The following FOXA3 variants were observed in gnomAD, a reference collection of about 807,000 sequenced individuals.
FOXA3 encodes the protein hepatocyte nuclear factor 3-gamma.
FOXA3 carries 11 observed loss-of-function variants against 16.9 expected under a neutral mutation model. That is an observed-to-expected ratio of 0.65 (90% CI 0.41 to 1.08). FOXA3 has a LOEUF of 1.08. FOXA3 is among the 50% of genes least tolerant of loss of function. The pLI, the probability that FOXA3 is intolerant of heterozygous loss-of-function variation, is 0.00. For missense variants in FOXA3, 423 were observed against 470.1 expected, an observed-to-expected ratio of 0.90 and a Z score of 0.93; for synonymous variants, 217 against 203.3, an observed-to-expected ratio of 1.07 and a Z score of -0.57.
rs150825228 is a variant in FOXA3, at chr19:45,872,195, C to T, written c.190C>T (p.Pro64Ser). ...GLPASPLPSG[P>S]LAPPAPAAPL... ...CCCTGCCTCCCCACTGCCCTCAGGA[C>T]CCCTGGCACCCCCAGCACCTGCAGC... Residue 64 changes from proline to serine, a missense_variant, in exon 2 of 2, where the codon CCC becomes TCC. Transcript: ENST00000302177. This position sits in a 1 kb window ranked among gnomAD's most constrained non-coding sequence, Gnocchi z 4.5. 73 of 1,596,026 alleles carry T rather than the reference C, an allele frequency of 4.6e-5. No individual in the cohort carries two copies. Among genetic ancestry groups the T allele is most frequent in the Non-Finnish European group, 6.1e-5 (71 of 1,169,760 alleles).
In FOXA3 at chr19:45,872,446, C is replaced by T. The variant is rs374769245; in HGVS notation, c.441C>T (p.Ile147=). ...CCTTGAGTGAAATCTACCAGTGGAT[C>T]ATGGACCTCTTCCCTTACTACCGGG... is the stretch of plus-strand genomic sequence containing the variant. ...MLTLSEIYQW[I]MDLFPYYREN... is the part of the protein sequence containing the mutation. Residue 147 remains isoleucine, a synonymous_variant, in exon 2 of 2, where the codon ATC becomes ATT. Transcript: ENST00000302177. The surrounding 1 kb of genome is among the most constrained non-coding windows in gnomAD (Gnocchi z 4.5). 7.4e-6 allele frequency: 12 copies of T among 1,614,104 alleles called. No individual in the cohort carries two copies. The highest frequency in any genetic ancestry group is 9.3e-6 in the Non-Finnish European group (11 of 1,180,034).
chr19:45,872,469 G>A lies in FOXA3; in HGVS notation c.464G>A (p.Arg155Gln), dbSNP rs200377130. The A allele has an allele frequency of 2.2e-5, 36 of 1,614,192 alleles. No individual in the cohort carries two copies. The East Asian group carries it at 2.9e-4, about 13-fold the overall frequency. ...ATCATGGACCTCTTCCCTTACTACC[G>A]GGAGAATCAGCAGCGCTGGCAGAAC... is the stretch of plus-strand genomic sequence containing the variant. Reference protein sequence around the residue: ...QWIMDLFPYYRENQQRWQNSI... With the variant: ...QWIMDLFPYYQENQQRWQNSI... The change falls in exon 2 of 2, where the codon CGG (arginine) becomes CAG (glutamine). Residue 155 changes from arginine (R) to glutamine (Q), a missense_variant. By Grantham distance (43) the Arg-to-Gln change is conservative. Around this residue, in one of 3 missense-constraint regions of FOXA3, gnomAD observed 85 missense variants for 136.9 expected, o/e 0.62. Coordinates refer to ENST00000302177, the MANE Select transcript of FOXA3 (RefSeq NM_004497.3). The surrounding 1 kb of genome is among the most constrained non-coding windows in gnomAD (Gnocchi z 4.5).
intron 1 of FOXA3, among the ~76,000 whole-genome samples, chr19:45,868,346 G>A (rs1317278305): frequency 6.6e-6 from 1 of 151,996 alleles, no homozygotes; most frequent in Non-Finnish European, 1.5e-5. Flanking sequence ...TTGGGAGGCC[G>A]AGGCAGGAGG....
chr19:45,864,570 C>A, intron 1 of FOXA3, 45 bp downstream of exon 1: 1 of 1,450,044 alleles, frequency 6.9e-7, no homozygotes. Flanking sequence ...GGGCAGGTAT[C>A]GGGGTGTGGG....
At chr19:45,866,895 C>T (rs1466209375) in intron 1 of FOXA3, among the ~76,000 whole-genome samples, 1 of 152,222 alleles carries the variant, frequency 6.6e-6, no homozygotes, top group Non-Finnish European at 1.5e-5. Flanking sequence ...CTCCCTGTCA[C>T]ACCCTTCTCC....
Position 45,864,354 on chromosome 19 carries a change from G to C in FOXA3, c.-103G>C. 1 of 1,056,940 alleles carries C rather than the reference G, an allele frequency of 9.5e-7. No homozygotes were observed. Among genetic ancestry groups the C allele is most frequent in the Middle Eastern group, 3.5e-4 (1 of 2,878 alleles). The allele number at this position is 1,056,940 out of a possible 1,614,324, so 65.5% of individuals were successfully genotyped here. On this transcript the variant is annotated 5_prime_UTR_variant, in exon 1 of 2. Transcript: ENST00000302177. ...ACAGCCGTACCCCGGGCGGTCGGAC[G>C]GGCGGGCGCCGGTGGGAGCTCGGGC...
At chr19:45,871,870 G>T (rs1204196861) in intron 1 of FOXA3, among the ~76,000 whole-genome samples, 1 of 152,188 alleles carries the variant, frequency 6.6e-6, no homozygotes, top group Non-Finnish European at 1.5e-5. Flanking sequence ...GAGCATGGTG[G>T]GTGGGAAAGC....
In FOXA3 at chr19:45,872,436, A is replaced by G. The variant is rs1296869213; in HGVS notation, c.431A>G (p.Tyr144Cys). ...AAGATGCTGACCTTGAGTGAAATCTACCAGTGGATCATGGACCTCTTCCCT... is the reference window on the plus strand; with the variant it reads ...AAGATGCTGACCTTGAGTGAAATCTGCCAGTGGATCATGGACCTCTTCCCT... ...PGKMLTLSEI[Y>C]QWIMDLFPYY... Residue 144 changes from tyrosine to cysteine, a missense_variant, in exon 2 of 2, where the codon TAC becomes TGC. This residue lies in a region of FOXA3 where 85 missense variants were observed against 136.9 expected (regional missense o/e 0.62). Coordinates refer to ENST00000302177, the MANE Select transcript of FOXA3 (RefSeq NM_004497.3). The surrounding 1 kb of genome is among the most constrained non-coding windows in gnomAD (Gnocchi z 4.5). The G allele has an allele frequency of 2.5e-6, 4 of 1,614,190 alleles. No individual in the cohort carries two copies. The highest frequency in any genetic ancestry group is 2.5e-6 in the Non-Finnish European group (3 of 1,180,026).
In FOXA3 at chr19:45,864,354, G is replaced by T; in HGVS notation, c.-103G>T. 1.9e-6 allele frequency: 2 copies of T among 1,056,940 alleles called. No individual in the cohort carries two copies. The highest frequency in any genetic ancestry group is 3.1e-5 in the South Asian group (1 of 31,760). 65.5% of individuals were successfully genotyped at this position (1,056,940 alleles called of 1,614,324 possible). A position where few individuals can be genotyped will look rare whatever the true frequency, so the allele number is the denominator to read the frequency against. Reference sequence around the variant, plus strand: ...ACAGCCGTACCCCGGGCGGTCGGACGGGCGGGCGCCGGTGGGAGCTCGGGC... The same window carrying T: ...ACAGCCGTACCCCGGGCGGTCGGACTGGCGGGCGCCGGTGGGAGCTCGGGC... On this transcript the variant is annotated 5_prime_UTR_variant, in exon 1 of 2. Transcript: ENST00000302177.
At chr19:45,865,573 C>T (rs997794874) in intron 1 of FOXA3, among the ~76,000 whole-genome samples, 11 of 152,018 alleles carry the variant, frequency 7.2e-5, no homozygotes, top group African/African-American at 2.7e-4. Context: ...TGGAAGGGGA[C>T]TGTGGGCTTG....
chr19:45,871,282 C>G (rs941216088), intron 1 of FOXA3, among the ~76,000 whole-genome samples: 19 of 152,110 alleles, frequency 1.2e-4, no homozygotes, highest in Non-Finnish European at 2.4e-4. Context: ...AAGAGCGACA[C>G]TGTTTTTTTC....
At chr19:45,864,586 A>G in intron 1 of FOXA3, 61 bp downstream of exon 1, 2 of 1,376,876 alleles carry the variant, frequency 1.5e-6, no homozygotes, top group South Asian at 3.0e-5. Flanking sequence ...GTGGGCTCAC[A>G]TGGAGCAGGG....
chr19:45,871,969 A>G (rs759303786), intron 1 of FOXA3, 106 bp from the exon 2 acceptor site: 301 of 1,144,132 alleles, frequency 2.6e-4, no homozygotes, highest in Non-Finnish European at 3.4e-4. Flanking sequence ...AGGGATTTGT[A>G]GAGAAGGCAA....
chr19:45,872,050 A>C lies in FOXA3; in HGVS notation c.70-25A>C, dbSNP rs1600550963. On this transcript the variant is annotated intron_variant, in intron 1 of 1. Coordinates refer to ENST00000302177, the MANE Select transcript of FOXA3 (RefSeq NM_004497.3). This position sits in a 1 kb window ranked among gnomAD's most constrained non-coding sequence, Gnocchi z 4.5. ...TGACCAGCAGAGTGGAGCCCCACTG[A>C]CCCCTCCTTTCATCTTTCCCCTAGG... 2.5e-6 allele frequency: 4 copies of C among 1,598,280 alleles called. No individual in the cohort carries two copies. Among genetic ancestry groups the C allele is most frequent in the South Asian group, 1.1e-5 (1 of 90,228 alleles).
In FOXA3 at chr19:45,872,679, G is replaced by C. The variant is rs1381896056; in HGVS notation, c.674G>C (p.Gly225Ala). 6.2e-7 allele frequency: 1 copy of C among 1,611,310 alleles called. No individual in the cohort carries two copies. The highest frequency in any genetic ancestry group is 8.5e-7 in the Non-Finnish European group (1 of 1,178,946). The change falls in exon 2 of 2, where the codon GGG becomes GCG. Residue 225 changes from glycine to alanine, a missense_variant. Physicochemically the swap from Gly to Ala is moderately conservative, Grantham distance 60. This residue lies in a region of FOXA3 where 168 missense variants were observed against 179.3 expected (regional missense o/e 0.94). Transcript: ENST00000302177. The surrounding 1 kb of genome is among the most constrained non-coding windows in gnomAD (Gnocchi z 4.5). Reference sequence around the variant, plus strand: ...GAGAAGGTGAAAAAAGGGGGCAGCGGGGCTGCCACCACCACCAGGAACGGG... The same window carrying C: ...GAGAAGGTGAAAAAAGGGGGCAGCGCGGCTGCCACCACCACCAGGAACGGG... ...LEEKVKKGGS[G>A]AATTTRNGTG...
chr19:45,872,012 TG>T lies in FOXA3; in HGVS notation c.70-60del. The T allele has an allele frequency of 6.5e-7, 1 of 1,535,028 alleles. No individual in the cohort carries two copies. The highest frequency in any genetic ancestry group is 1.2e-5 in the South Asian group (1 of 86,388). On this transcript the variant is annotated intron_variant, in intron 1 of 1. Coordinates refer to ENST00000302177, the MANE Select transcript of FOXA3 (RefSeq NM_004497.3). The surrounding 1 kb of genome is among the most constrained non-coding windows in gnomAD (Gnocchi z 4.5). ...AGACAGACGGACACTCAGTGGGTCC[TG>T]GGATCCTTTGCTGACCAGCAGAGTG...
At position 45,864,400 on chromosome 19, in the gene FOXA3, G is replaced by C; in HGVS notation, c.-57G>C. On this transcript the variant is annotated 5_prime_UTR_variant, in exon 1 of 2. Coordinates refer to ENST00000302177, the MANE Select transcript of FOXA3 (RefSeq NM_004497.3). ...CGGGCCGTGCCCGCTGAGAGATCCA[G>C]AGCGCTCCGTTCCCCCGGGGCCGGA... 11 of 1,328,514 alleles carry C rather than the reference G, an allele frequency of 8.3e-6. No individual in the cohort carries two copies. The highest frequency in any genetic ancestry group is 1.1e-5 in the Non-Finnish European group (11 of 1,019,156). The allele number at this position is 1,328,514 out of a possible 1,614,324, so 82.3% of individuals were successfully genotyped here. A position where few individuals can be genotyped will look rare whatever the true frequency, so the allele number is the denominator to read the frequency against.
intron 1 of FOXA3, among the ~76,000 whole-genome samples, chr19:45,865,885 G>A (rs1336711692): frequency 6.6e-6 from 1 of 152,100 alleles, no homozygotes; most frequent in Non-Finnish European, 1.5e-5. Context: ...AGACCCAGGT[G>A]GGAAATGGAG....
Position 45,873,185 on chromosome 19 carries a change from T to G in FOXA3, c.*127T>G. On this transcript the variant is annotated 3_prime_UTR_variant, in exon 2 of 2. Coordinates refer to ENST00000302177, the MANE Select transcript of FOXA3 (RefSeq NM_004497.3). ...ATCTGGGTGGGTCTATTACTTACTG[T>G]GATGACTGCTGTCTCAGTGGGCATG... 3 of 1,397,392 alleles carry G rather than the reference T, an allele frequency of 2.1e-6. No homozygotes were observed. The highest frequency in any genetic ancestry group is 2.9e-6 in the Non-Finnish European group (3 of 1,027,428). 86.6% of individuals were successfully genotyped at this position (1,397,392 alleles called of 1,614,324 possible).
Sources: gnomAD v4.1 joint callset for allele counts (sites outside exome capture counted in the v4.1 genomes callset) on GRCh38, gnomAD v4.1.1 for gene constraint, gnomAD v4.1.1 regional missense constraint, Gnocchi (gnomAD v3.1) non-coding constraint, MANE v1.5 for transcripts, NCBI Gene and HGNC (gene_info 2026-07-23, HGNC 2026-07-21) for gene names.